CCDC91: variants seen among roughly 807,000 people sequenced by gnomAD.
The protein encoded by CCDC91 is coiled-coil domain containing 91.
Under a neutral mutation model 63.2 loss-of-function variants are expected in CCDC91, and 48 were observed. That is an observed-to-expected ratio of 0.76 (90% confidence interval 0.60 to 0.97). The LOEUF is 0.97. Ranked by LOEUF, CCDC91 falls within the 50% of genes least tolerant of loss-of-function variation. The probability of loss-of-function intolerance (pLI) is 0.00; values close to 1 mark genes in which losing one functional copy is unlikely to be tolerated. For synonymous variants in CCDC91, 167 were observed against 165.8 expected (o/e 1.01, Z -0.06); for missense variants, 500 against 494.6 (o/e 1.01, Z -0.10).
chr12:28,290,101 G>A (rs1949151587), intron 3 of CCDC91, among the ~76,000 whole-genome samples: 1 of 152,044 alleles, frequency 6.6e-6, no homozygotes, highest in Non-Finnish European at 1.5e-5. Flanking sequence ...ATTTCTGTCA[G>A]TGGGGTTTTG....
intron 8 of CCDC91, among the ~76,000 whole-genome samples, chr12:28,422,650 A>G (rs1407387409): frequency 6.6e-6 from 1 of 152,096 alleles, no homozygotes; most frequent in Non-Finnish European, 1.5e-5. Context: ...TTCTCTTACC[A>G]CATGCTTCAC....
At chr12:28,435,950 A>G (rs1948882178) in intron 8 of CCDC91, among the ~76,000 whole-genome samples, 1 of 150,958 alleles carries the variant, frequency 6.6e-6, no homozygotes, top group South Asian at 2.1e-4. Context: ...AACATAGTAT[A>G]TCTTTCTCCA....
At chr12:28,506,882 C>T (rs546075680) in intron 12 of CCDC91, among the ~76,000 whole-genome samples, 1 of 150,104 alleles carries the variant, frequency 6.7e-6, no homozygotes, top group South Asian at 2.1e-4. Context: ...AAGACAAAAC[C>T]AAAACGATAA....
chr12:28,470,619 T>A, intron 11 of CCDC91, among the ~76,000 whole-genome samples: 1 of 152,068 alleles, frequency 6.6e-6, no homozygotes, highest in East Asian at 1.9e-4. Context: ...AGTGTATCAG[T>A]GAAATACTTG....
At chr12:28,516,048 C>G (rs771925269) in intron 12 of CCDC91, among the ~76,000 whole-genome samples, 2 of 151,990 alleles carry the variant, frequency 1.3e-5, no homozygotes, top group African/African-American at 4.8e-5. Context: ...AGAGAATAGT[C>G]TTCTGACATT....
intron 1 of CCDC91, among the ~76,000 whole-genome samples, chr12:28,239,208 A>G (rs1293535107): frequency 6.6e-6 from 1 of 152,032 alleles, no homozygotes; most frequent in Admixed American, 6.6e-5. Context: ...ATGAGAATAC[A>G]TATTTTTATA....
At chr12:28,365,004 A>G in intron 7 of CCDC91, among the ~76,000 whole-genome samples, 1 of 152,198 alleles carries the variant, frequency 6.6e-6, no homozygotes, top group East Asian at 1.9e-4. Flanking sequence ...AAGTCATATG[A>G]TTAATCAATA....
chr12:28,425,616 C>T lies in CCDC91; in HGVS notation c.763-24545C>T, dbSNP rs80088446. On this transcript the variant is annotated intron_variant, in intron 8 of 12. Transcript: ENST00000536442. Reference sequence around the variant, plus strand: ...AGCAGTTAATGATTACAGACTTTCTCATTACTTTCATTTTGGTTTATTATT... The same window carrying T: ...AGCAGTTAATGATTACAGACTTTCTTATTACTTTCATTTTGGTTTATTATT... Among the ~76,000 whole-genome samples the T allele has an allele frequency of 2.2e-3, 332 of 152,292 alleles. 3 individuals are homozygous for T. Among genetic ancestry groups the T allele is most frequent in the African/African-American group, 7.6e-3 (314 of 41,566 alleles).
rs148085051 is a variant in CCDC91, at chr12:28,294,084, A to G, written c.110-11565A>G. On this transcript the variant is annotated intron_variant, in intron 3 of 12. Transcript: ENST00000536442. ...ACTTGACAGTCTTCTAGTTTGTGAA[A>G]TTTTGTACTTTATAATTAAACTCAG... is the stretch of plus-strand genomic sequence containing the variant. Among the ~76,000 whole-genome samples, 3 of 152,246 alleles carry G rather than the reference A, an allele frequency of 2.0e-5. 1 individual carries two copies. Among genetic ancestry groups the G allele is most frequent in the South Asian group, 2.1e-4 (1 of 4,820 alleles).
At chr12:28,365,870 T>G (rs1025292210) in intron 7 of CCDC91, among the ~76,000 whole-genome samples, 1 of 152,198 alleles carries the variant, frequency 6.6e-6, no homozygotes, top group Non-Finnish European at 1.5e-5. Context: ...TCTGTTACTG[T>G]CTCACCACCA....
At position 28,511,398 on chromosome 12, in the gene CCDC91, A is replaced by G. The variant is rs536355727; in HGVS notation, c.1215+27233A>G. On this transcript the variant is annotated intron_variant, in intron 12 of 12. Coordinates refer to ENST00000536442, the MANE Select transcript of CCDC91 (RefSeq NM_018318.5). ...TTTATGGCCAATTTAGGCCAAAATA[A>G]CTGCATATTATCCTCCCTGCACCTG... 2.0e-5 allele frequency among the ~76,000 whole-genome samples: 3 copies of G among 152,028 alleles called. No individual in the cohort carries two copies. The South Asian group carries it at 6.2e-4, about 31-fold the overall frequency.
intron 6 of CCDC91, among the ~76,000 whole-genome samples, chr12:28,317,970 C>T (rs1024647935): frequency 6.6e-5 from 10 of 151,878 alleles, no homozygotes; most frequent in African/African-American, 2.2e-4. Context: ...TGTTTCTCCT[C>T]ATTCACTATC....
At chr12:28,464,328 C>A (rs776947838) in intron 11 of CCDC91, among the ~76,000 whole-genome samples, 5 of 152,178 alleles carry the variant, frequency 3.3e-5, no homozygotes, top group Admixed American at 3.3e-4. Flanking sequence ...AGTGGAATGG[C>A]GGTGCATGCA....
intron 11 of CCDC91, among the ~76,000 whole-genome samples, chr12:28,478,780 A>T (rs1320438360): frequency 6.6e-6 from 1 of 152,032 alleles, no homozygotes; most frequent in Non-Finnish European, 1.5e-5. Context: ...AAATCAAACA[A>T]CCCCATCAAA....
chr12:28,251,052 T>G (rs375871978), intron 1 of CCDC91, among the ~76,000 whole-genome samples: 20 of 152,052 alleles, frequency 1.3e-4, no homozygotes, highest in African/African-American at 4.3e-4. Context: ...AAAAACCACT[T>G]GTCTCTGTTG....
At chr12:28,194,491 T>C (rs1386244881) in intron 1 of CCDC91, among the ~76,000 whole-genome samples, 6 of 152,148 alleles carry the variant, frequency 3.9e-5, no homozygotes, top group African/African-American at 1.4e-4. Context: ...TTCTGGTGGG[T>C]CCATGGTCTT....
At chr12:28,478,727 A>C (rs11049652) in intron 11 of CCDC91, among the ~76,000 whole-genome samples, 31,745 of 152,192 alleles carry the variant, frequency 0.21, 4,339 homozygotes, top group Non-Finnish European at 0.31. Flanking sequence ...ACAAAGGGCT[A>C]ATATCCAGAA....
At chr12:28,204,781 G>C (rs1193440594) in intron 1 of CCDC91, among the ~76,000 whole-genome samples, 2 of 152,068 alleles carry the variant, frequency 1.3e-5, no homozygotes, top group Non-Finnish European at 2.9e-5. Context: ...TGAAGAGAGT[G>C]GGTTTCTAGA....
intron 3 of CCDC91, among the ~76,000 whole-genome samples, chr12:28,274,053 G>A (rs1299233194): frequency 4.6e-5 from 7 of 152,170 alleles, no homozygotes; most frequent in Middle Eastern, 3.4e-3. Flanking sequence ...TCAGCTTTCT[G>A]CATATGGCTA....
Sources: allele counts gnomAD v4.1 joint callset (sites outside exome capture counted in the v4.1 genomes callset), GRCh38; gene constraint gnomAD v4.1.1; transcripts MANE v1.5; gene names NCBI Gene and HGNC (gene_info 2026-07-23, HGNC 2026-07-21).